Variants in PCDH15 observed in about 807,000 individuals in gnomAD.
PCDH15 encodes the protein protocadherin related 15, also known as protocadherin-15.
Under a neutral mutation model 178.5 loss-of-function variants are expected in PCDH15, and 129 were observed. That is an observed-to-expected ratio of 0.72 (90% CI 0.63 to 0.84). PCDH15 has a LOEUF of 0.84. Among genes scored for constraint, PCDH15 ranks in the 40% least tolerant of loss-of-function variants. The probability of loss-of-function intolerance (pLI) is 0.00; values close to 1 mark genes in which losing one functional copy is unlikely to be tolerated. For synonymous variants in PCDH15, 800 were observed against 732.0 expected (o/e 1.09, Z -1.50); for missense variants, 2,230 against 2,099.9 (o/e 1.06, Z -1.21).
chr10:54,628,763 TG>T (rs1292717542), intron 2 of PCDH15, among the ~76,000 whole-genome samples: 1 of 152,164 alleles, frequency 6.6e-6, no homozygotes, highest in Admixed American at 6.6e-5. Context: ...TGGTTATGAC[TG>T]GAGTTGGTGA....
intron 2 of PCDH15, among the ~76,000 whole-genome samples, chr10:55,363,883 C>T (rs1203646714): frequency 6.6e-6 from 1 of 152,012 alleles, no homozygotes; most frequent in Non-Finnish European, 1.5e-5. Context: ...GTGATCAGCC[C>T]GCCTCAGCCT....
chr10:54,105,478 G>A (rs2094902565), intron 15 of PCDH15, among the ~76,000 whole-genome samples: 1 of 151,884 alleles, frequency 6.6e-6, no homozygotes, highest in South Asian at 2.1e-4. Context: ...GAGTCCCAAA[G>A]CTGAAGAACT....
intron 8 of PCDH15, among the ~76,000 whole-genome samples, chr10:54,243,554 G>T (rs780174556): frequency 2.4e-4 from 37 of 152,066 alleles, no homozygotes; most frequent in Non-Finnish European, 4.0e-4. Context: ...ATATTACATT[G>T]CAAATGTACT....
At chr10:54,693,531 G>C (rs1379255503) in intron 1 of PCDH15, among the ~76,000 whole-genome samples, 1 of 152,134 alleles carries the variant, frequency 6.6e-6, no homozygotes, top group African/African-American at 2.4e-5. Flanking sequence ...AAGTGAAGCA[G>C]AAACTTTAGA....
At chr10:53,864,543 C>A (rs2079317037) in intron 27 of PCDH15, among the ~76,000 whole-genome samples, 1 of 152,140 alleles carries the variant, frequency 6.6e-6, no homozygotes, top group African/African-American at 2.4e-5. Flanking sequence ...TCAGCTCAGC[C>A]TTTAGCCTCA....
At chr10:54,666,288 T>C (rs1326663364) in intron 1 of PCDH15, among the ~76,000 whole-genome samples, 1 of 152,062 alleles carries the variant, frequency 6.6e-6, no homozygotes, top group Non-Finnish European at 1.5e-5. Context: ...CCCCATTTTG[T>C]GGAGGAAAGG....
chr10:54,561,164 GCCTGTTACGACACATC>G (rs1210835347), intron 2 of PCDH15, among the ~76,000 whole-genome samples: 4 of 152,030 alleles, frequency 2.6e-5, no homozygotes, highest in African/African-American at 9.7e-5. Context: ...ATTTCAACAT[GCCTGTTACGACACATC>G]CCCAGGAAGT....
intron 1 of PCDH15, among the ~76,000 whole-genome samples, chr10:55,245,394 A>T (rs753118888): frequency 4.6e-5 from 7 of 152,070 alleles, no homozygotes; most frequent in Non-Finnish European, 1.0e-4. Flanking sequence ...CCCCCAAAAC[A>T]TCTTATATTA....
intron 2 of PCDH15, among the ~76,000 whole-genome samples, chr10:55,370,421 T>G (rs1297414684): frequency 6.6e-6 from 1 of 152,120 alleles, no homozygotes; most frequent in Non-Finnish European, 1.5e-5. Context: ...TGCCTTTTTC[T>G]TGTGCATTTC....
chr10:54,022,915 C>CA lies in PCDH15; in HGVS notation c.2502dup (p.Gly835TrpfsTer49). 6 of 1,613,808 alleles carry CA rather than the reference C, an allele frequency of 3.7e-6. No individual in the cohort carries two copies. Among genetic ancestry groups the CA allele is most frequent in the Non-Finnish European group, 5.1e-6 (6 of 1,179,810 alleles). ...ACCTCTATTTGAAGGATGGTAGTCC[C>CA]AGCTGGCAAATTCTCTTCAACAAGG... On this transcript the variant is annotated frameshift_variant, in exon 19 of 38. Coordinates refer to ENST00000644397, the MANE Select transcript of PCDH15 (RefSeq NM_001384140.1). LOFTEE classifies it high-confidence loss of function.
intron 27 of PCDH15, among the ~76,000 whole-genome samples, chr10:53,865,291 G>A (rs775001206): frequency 1.3e-5 from 2 of 152,092 alleles, no homozygotes; most frequent in African/African-American, 2.4e-5. Flanking sequence ...ATTATAATTG[G>A]TAATGCATTA....
chr10:55,531,317 A>G (rs1348748778), intron 2 of PCDH15, among the ~76,000 whole-genome samples: 2 of 151,996 alleles, frequency 1.3e-5, no homozygotes, highest in African/African-American at 2.4e-5. Flanking sequence ...TCTATCTTAT[A>G]TCAAATCTAC....
At chr10:54,795,751 T>C (rs1951889220) in intron 1 of PCDH15, among the ~76,000 whole-genome samples, 1 of 152,012 alleles carries the variant, frequency 6.6e-6, no homozygotes, top group Non-Finnish European at 1.5e-5. Flanking sequence ...AATATTAAAT[T>C]ACTCACTATA....
chr10:54,747,357 C>T (rs1458238959), intron 1 of PCDH15, among the ~76,000 whole-genome samples: 2 of 152,152 alleles, frequency 1.3e-5, no homozygotes, highest in African/African-American at 2.4e-5. Context: ...TGTTTTGTGA[C>T]ATGTCAGCTG....
At chr10:55,249,269 G>T (rs1841768814) in intron 1 of PCDH15, among the ~76,000 whole-genome samples, 1 of 152,068 alleles carries the variant, frequency 6.6e-6, no homozygotes, top group African/African-American at 2.4e-5. Flanking sequence ...ATAGATAAAG[G>T]ACTTACATAT....
intron 2 of PCDH15, among the ~76,000 whole-genome samples, chr10:55,343,843 ATAGT>A (rs781202816): frequency 2.6e-5 from 4 of 152,192 alleles, no homozygotes; most frequent in Non-Finnish European, 5.9e-5. Context: ...AGTCAATAAA[ATAGT>A]TAGAAAAACA....
chr10:53,901,966 G>A lies in PCDH15; in HGVS notation c.3501+1277C>T, dbSNP rs993789043. ...TTCAACTAGTTTGTCTGCATTACTCGGGTGGAAACTTTGTTTGTTTGTTTG... is the reference window on the plus strand; with the variant it reads ...TTCAACTAGTTTGTCTGCATTACTCAGGTGGAAACTTTGTTTGTTTGTTTG... On this transcript the variant is annotated intron_variant, in intron 26 of 37. Coordinates refer to ENST00000644397, the MANE Select transcript of PCDH15 (RefSeq NM_001384140.1). Among the ~76,000 whole-genome samples, 26 of 152,058 alleles carry A rather than the reference G, an allele frequency of 1.7e-4. No individual in the cohort carries two copies. In the East Asian group the frequency reaches 2.3e-3, roughly 14 times the overall value.
chr10:54,951,772 C>G (rs1385367467), intron 2 of PCDH15, among the ~76,000 whole-genome samples: 1 of 151,830 alleles, frequency 6.6e-6, no homozygotes, highest in East Asian at 1.9e-4. Context: ...ACAGAGGTAT[C>G]TCAGATTTTA....
At chr10:54,398,668 C>CA (rs560675931) in intron 3 of PCDH15, among the ~76,000 whole-genome samples, 192 of 151,338 alleles carry the variant, frequency 1.3e-3, no homozygotes, top group Non-Finnish European at 2.2e-3. Flanking sequence ...CCTGGAAAAA[C>CA]AAAAAAAACT....
Sources: allele counts gnomAD v4.1 joint callset (sites outside exome capture counted in the v4.1 genomes callset), GRCh38; gene constraint gnomAD v4.1.1; transcripts MANE v1.5; gene names NCBI Gene and HGNC (gene_info 2026-07-23, HGNC 2026-07-21).